Variants in CNOT2 observed in about 807,000 individuals in gnomAD.
CNOT2 encodes the protein CCR4-NOT transcription complex subunit 2.
Under a neutral mutation model 72.1 loss-of-function variants are expected in CNOT2, and 7 were observed. The ratio of observed to expected loss-of-function variants is 0.10; its 90% CI spans 0.06 to 0.18. The LOEUF (loss-of-function observed/expected upper bound fraction) is 0.18, where lower values mean the gene tolerates loss of function less well. Ranked by LOEUF, CNOT2 falls within the 10% of genes least tolerant of loss-of-function variation. The pLI, the probability that CNOT2 is intolerant of heterozygous loss-of-function variation, is 1.00. For synonymous variants in CNOT2, 196 were observed against 225.6 expected, an observed-to-expected ratio of 0.87 and a Z score of 1.17; for missense variants, 345 against 660.3, an observed-to-expected ratio of 0.52 and a Z score of 5.23.
intron 2 of CNOT2, among the ~76,000 whole-genome samples, chr12:70,279,967 A>G (rs1285305952): frequency 1.3e-5 from 2 of 152,142 alleles, no homozygotes; most frequent in African/African-American, 4.8e-5. Context: ...CTGCCTCAAA[A>G]TGTTTTCCCT....
intron 13 of CNOT2, chr12:70,343,835 T>C: frequency 3.8e-6 from 1 of 260,318 alleles, no homozygotes; most frequent in Non-Finnish European, 7.2e-6. Flanking sequence ...CCCCATTGGG[T>C]ATTAAATCCT....
chr12:70,326,221 T>A (rs1234442481), intron 4 of CNOT2, among the ~76,000 whole-genome samples: 1 of 151,854 alleles, frequency 6.6e-6, no homozygotes, highest in African/African-American at 2.4e-5. Context: ...TAAACTTTTT[T>A]TAAAATTTGT....
chr12:70,338,415 A>G (rs1188882071), intron 9 of CNOT2, 28 bp from the exon 10 acceptor site: 2 of 1,580,040 alleles, frequency 1.3e-6, no homozygotes, highest in Admixed American at 3.8e-5. Context: ...ACAAATTTTA[A>G]TGTCACATTT....
At chr12:70,294,187 G>C in intron 2 of CNOT2, 8 of 1,289,384 alleles carry the variant, frequency 6.2e-6, no homozygotes, top group Non-Finnish European at 8.1e-6. Context: ...AGCTCCTAGG[G>C]TGGGGCTGGT....
intron 15 of CNOT2, among the ~76,000 whole-genome samples, chr12:70,350,481 T>G (rs190097100): frequency 1.3e-5 from 2 of 152,336 alleles, no homozygotes; most frequent in East Asian, 3.9e-4. Flanking sequence ...AATATGGATT[T>G]ATTATACAGG....
intron 11 of CNOT2, among the ~76,000 whole-genome samples, chr12:70,339,046 G>A (rs1020469053): frequency 7.1e-6 from 1 of 140,836 alleles, no homozygotes; most frequent in African/African-American, 2.7e-5. Context: ...GTGTGTGTGT[G>A]TGTGCATGTG....
chr12:70,243,893 G>A (rs1003915396), intron 1 of CNOT2: 19 of 152,358 alleles, frequency 1.2e-4, no homozygotes, highest in South Asian at 1.0e-3. Context: ...CTTCCTGGGG[G>A]AGAAGAGAAG....
rs1051921822 is a variant in CNOT2, at chr12:70,354,102, A to G, written c.*187A>G. On this transcript the variant is annotated 3_prime_UTR_variant, in exon 16 of 16. Transcript: ENST00000229195. ...CTGCCTTACTAATTATGTGCTGCCCAACAACTAAATTTGTAATTTGTTTTT... is the reference window on the plus strand; with the variant it reads ...CTGCCTTACTAATTATGTGCTGCCCGACAACTAAATTTGTAATTTGTTTTT... The G allele has an allele frequency of 9.3e-7, 1 of 1,070,108 alleles. No homozygotes were observed. The highest frequency in any genetic ancestry group is 1.6e-5 in the African/African-American group (1 of 61,724). 66.3% of individuals were successfully genotyped at this position (1,070,108 alleles called of 1,614,324 possible).
At chr12:70,342,494 T>A in intron 13 of CNOT2, 187 bp downstream of exon 13, 2 of 645,970 alleles carry the variant, frequency 3.1e-6, no homozygotes, top group Non-Finnish European at 5.1e-6. Context: ...TTCTTACATT[T>A]AACAACAGGT....
intron 2 of CNOT2, among the ~76,000 whole-genome samples, chr12:70,308,584 T>TCTCTCTCTCTCTCTCA (rs550679130): frequency 5.3e-5 from 7 of 133,328 alleles, no homozygotes; most frequent in South Asian, 2.3e-4. Context: ...TCTCTCTCTC[T>TCTCTCTCTCTCTCTCA]CACACACACA....
At chr12:70,332,596 T>C (rs1565821540) in intron 6 of CNOT2, 171 bp from the exon 7 acceptor site, 12 of 1,023,720 alleles carry the variant, frequency 1.2e-5, no homozygotes, top group Non-Finnish European at 1.4e-5. Context: ...GGAAGGACTT[T>C]AGAGAAGTTT....
intron 1 of CNOT2, among the ~76,000 whole-genome samples, chr12:70,272,906 C>T (rs1565752644): frequency 1.3e-5 from 2 of 152,170 alleles, no homozygotes; most frequent in South Asian, 2.1e-4. Flanking sequence ...TTACTATGGC[C>T]TACCTGAATC....
intron 1 of CNOT2, among the ~76,000 whole-genome samples, chr12:70,258,233 A>G (rs184673049): frequency 1.3e-5 from 2 of 152,324 alleles, no homozygotes; most frequent in Admixed American, 1.3e-4. Flanking sequence ...GCATCACACA[A>G]TTATGAGACA....
At chr12:70,299,930 A>T (rs1289292920) in intron 2 of CNOT2, among the ~76,000 whole-genome samples, 1 of 152,142 alleles carries the variant, frequency 6.6e-6, no homozygotes, top group Non-Finnish European at 1.5e-5. Flanking sequence ...CTGTTGTGAG[A>T]TGGTATCTCA....
chr12:70,301,512 G>A (rs1317786816), intron 2 of CNOT2, among the ~76,000 whole-genome samples: 1 of 151,424 alleles, frequency 6.6e-6, no homozygotes, highest in Non-Finnish European at 1.5e-5. Context: ...CTGTTTATAT[G>A]CTGGACTACG....
At chr12:70,348,393 C>G (rs1297377606) in intron 15 of CNOT2, among the ~76,000 whole-genome samples, 1 of 152,132 alleles carries the variant, frequency 6.6e-6, no homozygotes, top group Non-Finnish European at 1.5e-5. Context: ...GCATTTCTAA[C>G]AAGCTCCTAA....
chr12:70,260,230 T>C (rs1197492963), intron 1 of CNOT2, among the ~76,000 whole-genome samples: 1 of 152,124 alleles, frequency 6.6e-6, no homozygotes, highest in South Asian at 2.1e-4. Context: ...AAACTGAACA[T>C]GGGATGTCTT....
At chr12:70,272,094 C>T (rs754573153) in intron 1 of CNOT2, among the ~76,000 whole-genome samples, 2 of 152,166 alleles carry the variant, frequency 1.3e-5, no homozygotes, top group Non-Finnish European at 2.9e-5. Flanking sequence ...CAAGGTGCTT[C>T]TGCTGCAGTC....
intron 2 of CNOT2, among the ~76,000 whole-genome samples, chr12:70,301,011 GCTCT>G (rs1407190872): frequency 1.3e-5 from 2 of 151,958 alleles, no homozygotes; most frequent in Non-Finnish European, 2.9e-5. Context: ...TCATGATTTG[GCTCT>G]CTGTTTGTCT....
Sources: allele counts gnomAD v4.1 joint callset (sites outside exome capture counted in the v4.1 genomes callset), GRCh38; gene constraint gnomAD v4.1.1; transcripts MANE v1.5; gene names NCBI Gene and HGNC (gene_info 2026-07-23, HGNC 2026-07-21).